SCHIP1: variants seen among roughly 807,000 people sequenced by gnomAD.
SCHIP1 encodes schwannomin-interacting protein 1.
In SCHIP1, 8 loss-of-function variants were observed where a neutral mutation model predicts 29.7. The observed-to-expected ratio is 0.27, with a 90% confidence interval of 0.16 to 0.49. The LOEUF (loss-of-function observed/expected upper bound fraction) is 0.49. Ranked by LOEUF, SCHIP1 falls within the 20% of genes least tolerant of loss-of-function variation. The probability of loss-of-function intolerance (pLI) is 0.99; values close to 1 mark genes in which losing one functional copy is unlikely to be tolerated. For synonymous variants in SCHIP1, 76 were observed against 94.9 expected, an observed-to-expected ratio of 0.80 and a Z score of 1.16; for missense variants, 193 against 294.6, an observed-to-expected ratio of 0.66 and a Z score of 2.52.
chr3:159,312,288 A>G, the SCHIP1 span, among the ~76,000 whole-genome samples: 3,449 of 152,216 alleles, frequency 0.023, 121 homozygotes, highest in African/African-American at 0.079. Flanking sequence ...ACTCACATCA[A>G]TGTTCATCAC....
chr3:159,628,416 A>T, the SCHIP1 span, among the ~76,000 whole-genome samples: 1 of 152,226 alleles, frequency 6.6e-6, no homozygotes, highest in Non-Finnish European at 1.5e-5. Context: ...CATGCCAAGA[A>T]CTAGGACCAA....
chr3:159,778,986 T>C, the SCHIP1 span, among the ~76,000 whole-genome samples: 2 of 152,248 alleles, frequency 1.3e-5, no homozygotes, highest in African/African-American at 4.8e-5. Flanking sequence ...TGTTATTTGC[T>C]CTCTGATATC....
the SCHIP1 span, among the ~76,000 whole-genome samples, chr3:159,542,128 T>C: frequency 6.6e-6 from 1 of 152,090 alleles, no homozygotes; most frequent in African/African-American, 2.4e-5. Context: ...TATTAGTAAA[T>C]TGAAGCTCCA....
chr3:159,764,053 C>T, the SCHIP1 span: 5 of 171,368 alleles, frequency 2.9e-5, no homozygotes, highest in Non-Finnish European at 3.7e-5. The surrounding 1 kb of genome is among the most constrained non-coding windows in gnomAD (Gnocchi z 6.1). Context: ...GTTCCCGCCC[C>T]CAGGGAATTA....
chr3:159,361,547 G>A, the SCHIP1 span, among the ~76,000 whole-genome samples: 1 of 152,176 alleles, frequency 6.6e-6, no homozygotes, highest in African/African-American at 2.4e-5. Context: ...AGGGAAATTG[G>A]AACCACTGCA....
chr3:159,681,044 A>T, the SCHIP1 span, among the ~76,000 whole-genome samples: 1 of 152,040 alleles, frequency 6.6e-6, no homozygotes, highest in African/African-American at 2.4e-5. Context: ...TATTGTGTAT[A>T]TCAAGAATTG....
the SCHIP1 span, among the ~76,000 whole-genome samples, chr3:159,788,545 C>T: frequency 4.6e-5 from 7 of 152,058 alleles, no homozygotes; most frequent in East Asian, 1.9e-4. Flanking sequence ...GTTTATTGCC[C>T]AAAGGAATTC....
intron 3 of SCHIP1, chr3:159,886,708 A>G (rs866313827): frequency 1.0e-5 from 2 of 192,960 alleles, no homozygotes; most frequent in Non-Finnish European, 2.1e-5. Context: ...GTGAGCTATG[A>G]TGACACCTCT....
chr3:159,402,446 A>G, the SCHIP1 span, among the ~76,000 whole-genome samples: 2 of 152,208 alleles, frequency 1.3e-5, no homozygotes, highest in Admixed American at 1.3e-4. Flanking sequence ...TACCCGAAGG[A>G]TTATAAATCA....
the SCHIP1 span, among the ~76,000 whole-genome samples, chr3:159,658,058 A>T: frequency 1.3e-5 from 2 of 152,244 alleles, no homozygotes; most frequent in Non-Finnish European, 2.9e-5. Flanking sequence ...GGTACTAGAA[A>T]GAGCAGAAAA....
chr3:159,681,178 T>C, the SCHIP1 span, among the ~76,000 whole-genome samples: 2 of 151,874 alleles, frequency 1.3e-5, no homozygotes. Context: ...ATTCCGAGAG[T>C]TCTTTTTTGG....
the SCHIP1 span, among the ~76,000 whole-genome samples, chr3:159,369,775 A>G: frequency 2.6e-5 from 4 of 152,220 alleles, no homozygotes; most frequent in South Asian, 8.3e-4. Flanking sequence ...CATTTTAAAT[A>G]TTCAACATAT....
chr3:159,768,407 T>A, the SCHIP1 span: 21,905 of 152,162 alleles, frequency 0.14, 1,618 homozygotes, highest in East Asian at 0.22. Context: ...GTCTCCTCAC[T>A]CCACATCCAG....
chr3:159,770,275 T>C, the SCHIP1 span, among the ~76,000 whole-genome samples: 1 of 152,252 alleles, frequency 6.6e-6, no homozygotes, highest in Non-Finnish European at 1.5e-5. Context: ...CTATTTATTT[T>C]TGGGGTGAAG....
At chr3:159,437,981 A>T in the SCHIP1 span, among the ~76,000 whole-genome samples, 10 of 152,258 alleles carry the variant, frequency 6.6e-5, no homozygotes, top group African/African-American at 2.2e-4. Context: ...TTCTCCAGCT[A>T]TAAAATGGGG....
chr3:159,615,441 CTG>C, the SCHIP1 span, among the ~76,000 whole-genome samples: 1 of 152,318 alleles, frequency 6.6e-6, no homozygotes, highest in Non-Finnish European at 1.5e-5. Context: ...GATTAGGAGA[CTG>C]TTTCGTTAGA....
chr3:159,689,936 T>C, the SCHIP1 span, among the ~76,000 whole-genome samples: 190 of 152,290 alleles, frequency 1.2e-3, no homozygotes, highest in African/African-American at 4.5e-3. Context: ...CCTTGCATCC[T>C]GGGGATGAAG....
At chr3:159,344,612 T>C in the SCHIP1 span, among the ~76,000 whole-genome samples, 1 of 152,200 alleles carries the variant, frequency 6.6e-6, no homozygotes, top group Non-Finnish European at 1.5e-5. Context: ...ACCTGACTAG[T>C]ACTTTTCAAA....
At chr3:159,686,333 T>C in the SCHIP1 span, among the ~76,000 whole-genome samples, 1 of 152,200 alleles carries the variant, frequency 6.6e-6, no homozygotes, top group Admixed American at 6.5e-5. Flanking sequence ...ATATTATACC[T>C]AATTCTCTAA....
Sources: allele counts gnomAD v4.1 joint callset (sites outside exome capture counted in the v4.1 genomes callset), GRCh38; gene constraint gnomAD v4.1.1; non-coding constraint Gnocchi (gnomAD v3.1); transcripts MANE v1.5; gene names NCBI Gene and HGNC (gene_info 2026-07-23, HGNC 2026-07-21).